RASA2: variants seen among roughly 807,000 people sequenced by gnomAD.
RASA2 encodes the protein RAS p21 protein activator 2.
Under a neutral mutation model 118.2 loss-of-function variants are expected in RASA2, and 155 were observed. The observed-to-expected ratio is 1.31, with a 90% CI of 1.15 to 1.50. RASA2 has a LOEUF of 1.50. RASA2 is among the 40% of genes most tolerant of loss of function. The pLI is 0.00. For missense variants in RASA2, 1,016 were observed against 1,009.6 expected (o/e 1.01, Z -0.09); for synonymous variants, 353 against 349.1 (o/e 1.01, Z -0.12).
intron 17 of RASA2, among the ~76,000 whole-genome samples, 187 bp downstream of exon 17, chr3:141,581,364 A>G (rs1400451431): frequency 6.6e-6 from 1 of 152,200 alleles, no homozygotes; most frequent in Non-Finnish European, 1.5e-5. Flanking sequence ...AAAATACCTA[A>G]ATAAGTTTAA....
intron 9 of RASA2, among the ~76,000 whole-genome samples, chr3:141,562,220 G>A (rs983591023): frequency 1.3e-5 from 2 of 151,288 alleles, no homozygotes; most frequent in East Asian, 2.0e-4. Context: ...CCAAAGTGCT[G>A]GGATTGTGAG....
At position 141,573,103 on chromosome 3, in the gene RASA2, GA is replaced by G. The variant is rs1259113017; in HGVS notation, c.1285-43del. The G allele has an allele frequency of 2.1e-6, 3 of 1,457,158 alleles. No homozygotes were observed. In the African/African-American group the frequency reaches 4.4e-5, roughly 22 times the overall value. The allele number at this position is 1,457,158 out of a possible 1,614,324, so 90.3% of individuals were successfully genotyped here. A position where few individuals can be genotyped will look rare whatever the true frequency, so the allele number is the denominator to read the frequency against. On this transcript the variant is annotated intron_variant, in intron 12 of 23. Coordinates refer to ENST00000286364, the MANE Select transcript of RASA2 (RefSeq NM_006506.5). ...AAAATAAGTTATTTTCATTTTGTCAGACTACTTAGAAAAAAATCATTAACTG... is the reference window on the plus strand; with the variant it reads ...AAAATAAGTTATTTTCATTTTGTCAGCTACTTAGAAAAAAATCATTAACTG...
Position 141,572,669 on chromosome 3 carries a change from GA to G in RASA2, c.1234del (p.Ile412Ter). The G allele has an allele frequency of 6.2e-7, 1 of 1,613,582 alleles. No homozygotes were observed. The highest frequency in any genetic ancestry group is 2.2e-5 in the East Asian group (1 of 44,778). On this transcript the variant is annotated frameshift_variant, in exon 12 of 24. Coordinates refer to ENST00000286364, the MANE Select transcript of RASA2 (RefSeq NM_006506.5). LOFTEE classifies it high-confidence loss of function. ...CTACCCGATGTCTGGATGAGATGATGAAAATAGTGGGAGGGCACTACCTGAA... is the reference window on the plus strand; with the variant it reads ...CTACCCGATGTCTGGATGAGATGATGAAATAGTGGGAGGGCACTACCTGAA... ...LATRCLDEMM[K>X]IVGGHYLKVT... is the part of the protein sequence containing the mutation.
At chr3:141,559,288 C>A (rs889486161) in intron 8 of RASA2, among the ~76,000 whole-genome samples, 3 of 152,026 alleles carry the variant, frequency 2.0e-5, no homozygotes, top group African/African-American at 7.2e-5. Flanking sequence ...ATATCTCAGC[C>A]AATTTAGAAA....
At chr3:141,526,151 T>C (rs904138244) in intron 3 of RASA2, 16 of 152,314 alleles carry the variant, frequency 1.1e-4, no homozygotes, top group African/African-American at 3.8e-4. Context: ...TTATACCCTC[T>C]ACCTCCAAGA....
At chr3:141,492,320 T>C (rs2081649292) in intron 1 of RASA2, among the ~76,000 whole-genome samples, 1 of 152,258 alleles carries the variant, frequency 6.6e-6, no homozygotes, top group African/African-American at 2.4e-5. Flanking sequence ...TTTTTGCTAC[T>C]AATAAAGTTC....
intron 16 of RASA2, among the ~76,000 whole-genome samples, 197 bp downstream of exon 16, chr3:141,580,648 G>A (rs2083098440): frequency 6.6e-6 from 1 of 151,876 alleles, no homozygotes; most frequent in Non-Finnish European, 1.5e-5. Flanking sequence ...TCAGAAGCTG[G>A]GCATAGTGAC....
intron 16 of RASA2, among the ~76,000 whole-genome samples, 198 bp from the exon 17 acceptor site, chr3:141,580,902 A>G (rs2083103077): frequency 6.6e-6 from 1 of 152,014 alleles, no homozygotes; most frequent in Non-Finnish European, 1.5e-5. Flanking sequence ...AAGGAGGTGC[A>G]GGACAGTCTG....
intron 5 of RASA2, among the ~76,000 whole-genome samples, chr3:141,542,378 G>A (rs114670618): frequency 0.019 from 2,917 of 152,084 alleles, 42 homozygotes; most frequent in Non-Finnish European, 0.031. Context: ...TGTGTTATTT[G>A]TTTCTTGCCA....
At chr3:141,606,904 A>G (rs1037666150) in intron 19 of RASA2, among the ~76,000 whole-genome samples, 1 of 152,196 alleles carries the variant, frequency 6.6e-6, no homozygotes, top group African/African-American at 2.4e-5. Flanking sequence ...TAAGAACAAT[A>G]TTACAAAATG....
In RASA2 at chr3:141,612,377, C is replaced by A; in HGVS notation, c.*64C>A. The A allele has an allele frequency of 1.4e-6, 2 of 1,380,690 alleles. No homozygotes were observed. The highest frequency in any genetic ancestry group is 2.0e-6 in the Non-Finnish European group (2 of 996,698). The allele number at this position is 1,380,690 out of a possible 1,614,324, so 85.5% of individuals were successfully genotyped here. On this transcript the variant is annotated 3_prime_UTR_variant, in exon 24 of 24. Transcript: ENST00000286364. ...TTTTTCTTGGAGCTTTTCAATTCAT[C>A]ATGTATTTTGTTCATGGTATTTAAG...
At chr3:141,523,343 T>G (rs1337123359) in intron 3 of RASA2, among the ~76,000 whole-genome samples, 1 of 152,184 alleles carries the variant, frequency 6.6e-6, no homozygotes, top group Non-Finnish European at 1.5e-5. Flanking sequence ...CAGGCTGGTC[T>G]CAAACTCTTA....
At chr3:141,582,661 G>C (rs1363703546) in intron 17 of RASA2, among the ~76,000 whole-genome samples, 1 of 152,092 alleles carries the variant, frequency 6.6e-6, no homozygotes, top group African/African-American at 2.4e-5. Context: ...CTCTGTCTCA[G>C]ATTTGGTTCT....
chr3:141,580,077 AAAAAAAAAATATATATAT>A (rs2083080388), intron 15 of RASA2, among the ~76,000 whole-genome samples: 3 of 110,288 alleles, frequency 2.7e-5, no homozygotes, highest in African/African-American at 3.6e-5. Context: ...AAGAAAAAAA[AAAAAAAAAATATATATAT>A]ATATATATAT....
intron 17 of RASA2, 41 bp from the exon 18 acceptor site, chr3:141,585,984 C>T: frequency 6.7e-7 from 1 of 1,495,512 alleles, no homozygotes; most frequent in Non-Finnish European, 9.2e-7. Context: ...TTATAATGTA[C>T]CTTATCACAC....
chr3:141,589,584 C>T lies in RASA2; in HGVS notation c.1933+2832C>T, dbSNP rs567445655. Among the ~76,000 whole-genome samples, 4 of 152,110 alleles carry T rather than the reference C, an allele frequency of 2.6e-5. No individual in the cohort carries two copies. In the South Asian group the frequency reaches 6.2e-4, roughly 24 times the overall value. On this transcript the variant is annotated intron_variant, in intron 19 of 23. Transcript: ENST00000286364. ...CTGGCCGGGCGCGGTGGCTCACACC[C>T]GTGATCCCAACACTTTGGGAGGCTG...
At chr3:141,609,253 A>G (rs1321592293) in intron 21 of RASA2, among the ~76,000 whole-genome samples, 167 bp from the exon 22 acceptor site, 1 of 151,908 alleles carries the variant, frequency 6.6e-6, no homozygotes, top group Non-Finnish European at 1.5e-5. Context: ...AACAACCAAA[A>G]CTCTCCTTGG....
At chr3:141,531,738 C>G (rs1221253888) in intron 4 of RASA2, among the ~76,000 whole-genome samples, 1 of 151,882 alleles carries the variant, frequency 6.6e-6, no homozygotes. Flanking sequence ...ATAAGATTTG[C>G]TCACTATTTA....
Position 141,540,608 on chromosome 3 carries a change from C to T in RASA2, c.526C>T (p.His176Tyr). 6.2e-7 allele frequency: 1 copy of T among 1,606,996 alleles called. No individual in the cohort carries two copies. The highest frequency in any genetic ancestry group is 8.5e-7 in the Non-Finnish European group (1 of 1,175,474). ...NGTVCQQLVV[H>Y]IKACHGLPLI... Reference sequence around the variant, plus strand: ...AACTGTATGCCAGCAGCTTGTTGTACAGTAAGCATTTTTTTTAACCAAAAT... The same window carrying T: ...AACTGTATGCCAGCAGCTTGTTGTATAGTAAGCATTTTTTTTAACCAAAAT... Residue 176 changes from histidine (H) to tyrosine (Y), a missense_variant and splice_region_variant, in exon 5 of 24, where the codon CAC becomes TAC. Transcript: ENST00000286364.
Sources: gnomAD v4.1 joint callset for allele counts (sites outside exome capture counted in the v4.1 genomes callset) on GRCh38, gnomAD v4.1.1 for gene constraint, MANE v1.5 for transcripts, NCBI Gene and HGNC (gene_info 2026-07-23, HGNC 2026-07-21) for gene names.